Variants in ACAP2 observed in about 807,000 individuals in gnomAD.
ACAP2 encodes the protein ArfGAP with coiled-coil, ankyrin repeat and PH domains 2, also known as arf-GAP with coiled-coil, ANK repeat and PH domain-containing protein 2.
ACAP2 carries 39 observed loss-of-function variants against 115.8 expected under a neutral mutation model. That is an observed-to-expected ratio of 0.34 (90% CI 0.26 to 0.44). The LOEUF is 0.44. Ranked by LOEUF, ACAP2 falls within the 20% of genes least tolerant of loss-of-function variation. ACAP2 has a pLI of 1.00. For synonymous variants in ACAP2, 289 were observed against 315.8 expected, an observed-to-expected ratio of 0.92 and a Z score of 0.90; for missense variants, 662 against 927.6, an observed-to-expected ratio of 0.71 and a Z score of 3.72.
chr3:195,355,556 C>A (rs1370776468), intron 4 of ACAP2, among the ~76,000 whole-genome samples: 1 of 152,146 alleles, frequency 6.6e-6, no homozygotes, highest in Non-Finnish European at 1.5e-5. Flanking sequence ...TCAAAAATGT[C>A]AGTTGACCAA....
At chr3:195,295,678 C>G in intron 17 of ACAP2, 30 bp downstream of exon 17, 1 of 1,612,490 alleles carries the variant, frequency 6.2e-7, no homozygotes, top group Non-Finnish European at 8.5e-7. Flanking sequence ...AAGAAAATAG[C>G]TATAGACACA....
intron 7 of ACAP2, among the ~76,000 whole-genome samples, chr3:195,335,385 G>T (rs1730435245): frequency 6.6e-6 from 1 of 152,042 alleles, no homozygotes. Context: ...CAGTGTATTA[G>T]TGAAAAAAGA....
At chr3:195,294,592 GA>G (rs200209680) in intron 18 of ACAP2, 126 bp downstream of exon 18, 1,249 of 49,830 alleles carry the variant, frequency 0.025, 13 homozygotes, top group Admixed American at 0.044. Flanking sequence ...AAAAAAAGAA[GA>G]AAAAAAAAAA....
chr3:195,337,562 C>T (rs1730588076), intron 6 of ACAP2, among the ~76,000 whole-genome samples: 1 of 151,748 alleles, frequency 6.6e-6, no homozygotes, highest in Non-Finnish European at 1.5e-5. Flanking sequence ...AATTCTCCTG[C>T]CTCAGCCTCC....
At chr3:195,421,015 G>C (rs146711068) in intron 1 of ACAP2, among the ~76,000 whole-genome samples, 1 of 152,170 alleles carries the variant, frequency 6.6e-6, no homozygotes, top group Non-Finnish European at 1.5e-5. Context: ...ACAGCCAATG[G>C]AAAACTATGC....
chr3:195,335,543 C>T (rs191003270), intron 7 of ACAP2, among the ~76,000 whole-genome samples: 9 of 152,254 alleles, frequency 5.9e-5, no homozygotes, highest in African/African-American at 2.2e-4. Context: ...TGAATAGTGG[C>T]TTCCCCTTGG....
chr3:195,442,921 G>T lies in ACAP2; in HGVS notation c.-74C>A. 1 of 1,351,286 alleles carries T rather than the reference G, an allele frequency of 7.4e-7. No individual in the cohort carries two copies. Among genetic ancestry groups the T allele is most frequent in the Non-Finnish European group, 9.8e-7 (1 of 1,021,060 alleles). The allele number at this position is 1,351,286 out of a possible 1,614,324, so 83.7% of individuals were successfully genotyped here. ...GAGCGGCCGCGCTGGGACGCAGACG[G>T]CTACGGCGGGCGCACGGCCGCGACT... is the stretch of plus-strand genomic sequence containing the variant. On this transcript the variant is annotated 5_prime_UTR_variant, in exon 1 of 23. Coordinates refer to ENST00000326793, the MANE Select transcript of ACAP2 (RefSeq NM_012287.6).
chr3:195,418,538 C>A (rs1427987577), intron 1 of ACAP2, among the ~76,000 whole-genome samples: 7 of 152,178 alleles, frequency 4.6e-5, no homozygotes, highest in Non-Finnish European at 1.0e-4. Flanking sequence ...AATTCTCCAA[C>A]CTCATGCTTC....
intron 4 of ACAP2, among the ~76,000 whole-genome samples, chr3:195,375,507 C>CAAA (rs77856053): frequency 9.6e-6 from 1 of 103,718 alleles, no homozygotes; most frequent in East Asian, 2.3e-4. Context: ...ATCAACTGTA[C>CAAA]AAAAAAAAAA....
In ACAP2 at chr3:195,389,961, C is replaced by G. The variant is rs374003891; in HGVS notation, c.111+2129G>C. ...CTGTAATCCCGGCACTTTGGGAGGC[C>G]GAGGCGGGCGGATTGCCTGAGCACA... On this transcript the variant is annotated intron_variant, in intron 2 of 22. Coordinates refer to ENST00000326793, the MANE Select transcript of ACAP2 (RefSeq NM_012287.6). Among the ~76,000 whole-genome samples, 5 of 152,140 alleles carry G rather than the reference C, an allele frequency of 3.3e-5. No homozygotes were observed. In the East Asian group the frequency reaches 7.7e-4, roughly 23 times the overall value.
chr3:195,378,078 GGGAGGAAGGGAGGA>G (rs1409285568), intron 4 of ACAP2, among the ~76,000 whole-genome samples: 1 of 147,642 alleles, frequency 6.8e-6, no homozygotes, highest in Non-Finnish European at 1.5e-5. Flanking sequence ...GAGGGAGGAA[GGGAGGAAGGGAGGA>G]GGAGGAAGGG....
intron 1 of ACAP2, among the ~76,000 whole-genome samples, chr3:195,429,756 T>G (rs1264698185): frequency 1.3e-5 from 2 of 152,200 alleles, no homozygotes; most frequent in Admixed American, 6.5e-5. Context: ...AGGTTTCATA[T>G]CTAAGAAACC....
At chr3:195,287,132 G>C (rs184743751) in intron 21 of ACAP2, among the ~76,000 whole-genome samples, 1 of 152,184 alleles carries the variant, frequency 6.6e-6, no homozygotes, top group Non-Finnish European at 1.5e-5. Context: ...CTCCAATGAG[G>C]GGGGATAAGC....
intron 4 of ACAP2, among the ~76,000 whole-genome samples, chr3:195,347,448 G>GACAC (rs1731257906): frequency 6.6e-6 from 1 of 152,024 alleles, no homozygotes; most frequent in Non-Finnish European, 1.5e-5. Flanking sequence ...TACACACACA[G>GACAC]ACACACATAC....
intron 4 of ACAP2, among the ~76,000 whole-genome samples, chr3:195,360,299 AG>A (rs1416023738): frequency 6.6e-6 from 1 of 152,272 alleles, no homozygotes; most frequent in Non-Finnish European, 1.5e-5. Context: ...ATAATGATAA[AG>A]GGTTCAATTC....
chr3:195,400,782 T>C (rs1712218213), intron 1 of ACAP2, among the ~76,000 whole-genome samples: 2 of 152,172 alleles, frequency 1.3e-5, no homozygotes, highest in South Asian at 4.1e-4. Context: ...ACATTGTGGC[T>C]GATAATAATG....
chr3:195,364,775 G>A lies in ACAP2; in HGVS notation c.285+16234C>T, dbSNP rs545680465. On this transcript the variant is annotated intron_variant, in intron 4 of 22. Coordinates refer to ENST00000326793, the MANE Select transcript of ACAP2 (RefSeq NM_012287.6). ...ATACCATCCAGCAATCCTACTCTCA[G>A]ACGTATATCCAAAACAAAAGAAATC... 6.6e-5 allele frequency among the ~76,000 whole-genome samples: 10 copies of A among 152,208 alleles called. No individual in the cohort carries two copies. In the South Asian group the frequency reaches 1.9e-3, roughly 28 times the overall value.
chr3:195,299,417 A>G (rs536839206), intron 15 of ACAP2, among the ~76,000 whole-genome samples: 1 of 44,562 alleles, frequency 2.2e-5, no homozygotes, highest in East Asian at 2.5e-4. Flanking sequence ...AAAAAATACA[A>G]AAAAAAAAAA....
intron 19 of ACAP2, 39 bp downstream of exon 19, chr3:195,292,226 T>G (rs763280617): frequency 1.3e-6 from 2 of 1,515,372 alleles, no homozygotes; most frequent in Non-Finnish European, 1.8e-6. Context: ...TTTTTAAATA[T>G]TTGATTGCTA....
Sources: gnomAD v4.1 joint callset for allele counts (sites outside exome capture counted in the v4.1 genomes callset) on GRCh38, gnomAD v4.1.1 for gene constraint, MANE v1.5 for transcripts, NCBI Gene and HGNC (gene_info 2026-07-23, HGNC 2026-07-21) for gene names.